The following TMEM39A variants were observed in gnomAD, a reference collection of about 807,000 sequenced individuals.
The protein encoded by TMEM39A is suppressor of SQST-1 aggregates in rpl-43 mutants.
In TMEM39A, 19 loss-of-function variants were observed where a neutral mutation model predicts 51.9. That is an observed-to-expected ratio of 0.37 (90% CI 0.26 to 0.54). The LOEUF is 0.54. Among genes scored for constraint, TMEM39A ranks in the 20% least tolerant of loss-of-function variants. The pLI is 0.88. For missense variants in TMEM39A, 433 were observed against 590.5 expected (o/e 0.73, Z 2.76); for synonymous variants, 197 against 220.2 (o/e 0.89, Z 0.93).
rs545240483 is a variant in TMEM39A at position 119,441,130 on chromosome 3, C to T, written c.576-3027G>A. Among the ~76,000 whole-genome samples, 8 of 152,142 alleles carry T rather than the reference C, an allele frequency of 5.3e-5. No homozygotes were observed. In the East Asian group the frequency reaches 1.5e-3, roughly 29 times the overall value. On this transcript the variant is annotated intron_variant, in intron 5 of 8. Coordinates refer to ENST00000319172, the MANE Select transcript of TMEM39A (RefSeq NM_018266.3). ...TCTCTCTCCCTCACGTCAGACCTCCCTATTCCCTAAAACACAAGAATATTG... is the reference window on the plus strand; with the variant it reads ...TCTCTCTCCCTCACGTCAGACCTCCTTATTCCCTAAAACACAAGAATATTG...
rs1577042847 is a variant in TMEM39A at position 119,429,816 on chromosome 3, T to C, written c.*2165A>G. On this transcript the variant is annotated 3_prime_UTR_variant, in exon 9 of 9. Transcript: ENST00000319172. Reference sequence around the variant, plus strand: ...TATTTCTTATATCCACTTACTTATTTAGCCAAGCCAGCATCTGGTTCTGTG... The same window carrying C: ...TATTTCTTATATCCACTTACTTATTCAGCCAAGCCAGCATCTGGTTCTGTG... 6.6e-6 allele frequency: 1 copy of C among 152,148 alleles called. No individual in the cohort carries two copies. The highest frequency in any genetic ancestry group is 1.5e-5 in the Non-Finnish European group (1 of 68,014). The allele number at this position is 152,148 out of a possible 1,614,324, so 9.4% of individuals were successfully genotyped here.
intron 2 of TMEM39A, among the ~76,000 whole-genome samples, chr3:119,460,960 AAAT>A (rs1346716083): frequency 1.3e-5 from 2 of 152,218 alleles, no homozygotes; most frequent in Non-Finnish European, 2.9e-5. Flanking sequence ...TAAGTATATA[AAAT>A]AATACTTATT....
chr3:119,435,053 T>C, intron 7 of TMEM39A, 171 bp from the exon 8 acceptor site: 2 of 967,370 alleles, frequency 2.1e-6, no homozygotes, highest in South Asian at 9.6e-5. Flanking sequence ...TAGAAAGGAT[T>C]TGTTACTTTA....
chr3:119,452,877 T>A (rs969021612), intron 3 of TMEM39A, among the ~76,000 whole-genome samples: 7 of 152,236 alleles, frequency 4.6e-5, no homozygotes, highest in Admixed American at 2.0e-4. Flanking sequence ...ATATTTATAA[T>A]GTGTCAAACT....
At chr3:119,438,437 T>C (rs1406282248) in intron 5 of TMEM39A, among the ~76,000 whole-genome samples, 1 of 152,254 alleles carries the variant, frequency 6.6e-6, no homozygotes, top group Non-Finnish European at 1.5e-5. Flanking sequence ...TAGTTACATA[T>C]GCTTTTTTCC....
chr3:119,438,067 T>A lies in TMEM39A; in HGVS notation c.612A>T (p.Gln204His). Residue 204 changes from glutamine to histidine, a missense_variant, in exon 6 of 9, where the codon CAA becomes CAT. Gln to His is a conservative substitution (Grantham distance 24, BLOSUM62 0). This residue lies in a region of TMEM39A where 40 missense variants were observed against 22.6 expected (regional missense o/e 1.77). Transcript: ENST00000319172. ...TGAGAAGAAGATGTGCTCTACTATC[T>A]TGATGAAAACAGCAAAGAGGAACAT... is the stretch of plus-strand genomic sequence containing the variant. Reference protein sequence around the residue: ...GVYVPLCCFHQDSRAHLLLTD... With the variant: ...GVYVPLCCFHHDSRAHLLLTD... The A allele has an allele frequency of 6.3e-7, 1 of 1,596,664 alleles. No homozygotes were observed. Among genetic ancestry groups the A allele is most frequent in the Non-Finnish European group, 8.6e-7 (1 of 1,165,266 alleles).
intron 4 of TMEM39A, among the ~76,000 whole-genome samples, chr3:119,450,307 C>T (rs1295720915): frequency 1.3e-5 from 2 of 151,996 alleles, no homozygotes; most frequent in Non-Finnish European, 2.9e-5. Context: ...TCCCTCCTGT[C>T]TCATTTTAAA....
intron 6 of TMEM39A, among the ~76,000 whole-genome samples, chr3:119,437,329 A>G (rs1674817798): frequency 6.6e-6 from 1 of 152,194 alleles, no homozygotes; most frequent in Non-Finnish European, 1.5e-5. Flanking sequence ...AGTGACATCC[A>G]GACCATTTTT....
rs1318397011 is a variant in TMEM39A, at chr3:119,462,057, C to T, written c.18G>A (p.Arg6=). Reference sequence around the variant, plus strand: ...GGCTTAGCTGTTGCCGACTAGGGCCCCTCCTTCCACCGGGCATGTCCAGGA... The same window carrying T: ...GGCTTAGCTGTTGCCGACTAGGGCCTCTCCTTCCACCGGGCATGTCCAGGA... MPGGR[R]GPSRQQLSRS... is the part of the protein sequence containing the mutation. Residue 6 remains arginine (R), a synonymous_variant, in exon 2 of 9, where the codon AGG becomes AGA. Coordinates refer to ENST00000319172, the MANE Select transcript of TMEM39A (RefSeq NM_018266.3). 6.8e-6 allele frequency: 11 copies of T among 1,613,976 alleles called. No homozygotes were observed. Among genetic ancestry groups the T allele is most frequent in the Non-Finnish European group, 9.3e-6 (11 of 1,180,002 alleles).
intron 3 of TMEM39A, among the ~76,000 whole-genome samples, chr3:119,457,577 A>C (rs1264818898): frequency 6.6e-6 from 1 of 152,126 alleles, no homozygotes; most frequent in Admixed American, 6.5e-5. Context: ...AGACAGTAGA[A>C]TCTCCATCAG....
rs189003464 is a variant in TMEM39A at position 119,429,123 on chromosome 3, C to T, written c.*2858G>A. On this transcript the variant is annotated 3_prime_UTR_variant, in exon 9 of 9. Coordinates refer to ENST00000319172, the MANE Select transcript of TMEM39A (RefSeq NM_018266.3). ...TAATGAACTCGAACATCACTATCTC[C>T]GGCACCCAGCAGTGTTTGGCATATA... is the stretch of plus-strand genomic sequence containing the variant. Among the ~76,000 whole-genome samples the T allele has an allele frequency of 4.1e-4, 63 of 151,998 alleles. No homozygotes were observed. In the East Asian group the frequency reaches 0.01, roughly 25 times the overall value.
At chr3:119,439,047 C>T (rs1254183138) in intron 5 of TMEM39A, among the ~76,000 whole-genome samples, 1 of 151,986 alleles carries the variant, frequency 6.6e-6, no homozygotes, top group African/African-American at 2.4e-5. Flanking sequence ...ATAAACTTCT[C>T]ATTAATAAAA....
intron 2 of TMEM39A, among the ~76,000 whole-genome samples, chr3:119,459,205 C>T (rs2081304711): frequency 1.3e-5 from 2 of 152,274 alleles, no homozygotes; most frequent in African/African-American, 4.8e-5. Flanking sequence ...GTGATATAAA[C>T]TTTCCCTAAA....
chr3:119,459,694 C>T (rs1243897399), intron 2 of TMEM39A, among the ~76,000 whole-genome samples: 2 of 152,208 alleles, frequency 1.3e-5, no homozygotes, highest in Admixed American at 6.5e-5. Flanking sequence ...GACTGTGTTA[C>T]CAAACTAGCT....
intron 5 of TMEM39A, among the ~76,000 whole-genome samples, chr3:119,441,716 A>G (rs2081056036): frequency 1.3e-5 from 2 of 152,228 alleles, no homozygotes; most frequent in Admixed American, 1.3e-4. Context: ...CAGACTTTTC[A>G]AGGGTGACAA....
Position 119,458,117 on chromosome 3 carries a change from A to G in TMEM39A, c.237T>C (p.Phe79=), listed in dbSNP as rs761899089. The part of the protein sequence containing the change: ...VDGSLLFEFL[F]FIYLLVALFI... ...AAAGAGCAACCAACAGGTAGATGAA[A>G]AAAAGGAATTCAAAGAGTAGGCTCC... The change falls in exon 3 of 9, where the codon TTT becomes TTC. Residue 79 remains phenylalanine (F), a synonymous_variant. Transcript: ENST00000319172. The G allele has an allele frequency of 6.2e-5, 100 of 1,614,198 alleles. No homozygotes were observed. The East Asian group carries it at 8.7e-4, about 14-fold the overall frequency.
intron 7 of TMEM39A, 102 bp from the exon 8 acceptor site, chr3:119,434,984 G>A: frequency 2.7e-6 from 4 of 1,466,096 alleles, no homozygotes; most frequent in Non-Finnish European, 2.7e-6. Flanking sequence ...AAATAATCAA[G>A]GCTTCATCTG....
chr3:119,432,891 G>A (rs1457026102), intron 8 of TMEM39A, among the ~76,000 whole-genome samples: 2 of 151,992 alleles, frequency 1.3e-5, no homozygotes, highest in Non-Finnish European at 2.9e-5. Flanking sequence ...TAAGGAGGAA[G>A]GAAGGAAAAA....
chr3:119,461,982 A>G lies in TMEM39A; in HGVS notation c.93T>C (p.Asn31=), dbSNP rs781220028. ...TTTACCTGTTTCTCAAGCCTGTTCC[A>G]TTGCCACAGCCTCCACCAACCAAAG... ...LQTLVGGGCG[N]GTGLRNRNGS... Residue 31 remains asparagine, a synonymous_variant, in exon 2 of 9, where the codon AAT becomes AAC. Transcript: ENST00000319172. 1.3e-5 allele frequency: 21 copies of G among 1,614,028 alleles called. No individual in the cohort carries two copies. Among genetic ancestry groups the G allele is most frequent in the Non-Finnish European group, 1.6e-5 (19 of 1,180,026 alleles).
Sources: gnomAD v4.1 joint callset for allele counts (sites outside exome capture counted in the v4.1 genomes callset) on GRCh38, gnomAD v4.1.1 for gene constraint, gnomAD v4.1.1 regional missense constraint, MANE v1.5 for transcripts, NCBI Gene and HGNC (gene_info 2026-07-23, HGNC 2026-07-21) for gene names.